FER1L6: variants seen among roughly 807,000 people sequenced by gnomAD.
The protein encoded by FER1L6 is fer-1 like family member 6.
Under a neutral mutation model 219.2 loss-of-function variants are expected in FER1L6, and 177 were observed. The observed-to-expected ratio is 0.81, with a 90% confidence interval of 0.71 to 0.91. The LOEUF (loss-of-function observed/expected upper bound fraction) is 0.91. FER1L6 is among the 40% of genes least tolerant of loss of function. The pLI is 0.00. For missense variants in FER1L6, 2,153 were observed against 2,259.9 expected (o/e 0.95, Z 0.96); for synonymous variants, 768 against 824.3 (o/e 0.93, Z 1.17).
At chr8:123,981,294 G>T (rs1242982688) in intron 11 of FER1L6, among the ~76,000 whole-genome samples, 1 of 152,096 alleles carries the variant, frequency 6.6e-6, no homozygotes, top group Non-Finnish European at 1.5e-5. Context: ...CAACTCTAGG[G>T]TATGCTTATT....
chr8:123,915,422 T>C (rs528034844), intron 1 of FER1L6, among the ~76,000 whole-genome samples: 109 of 152,282 alleles, frequency 7.2e-4, no homozygotes, highest in African/African-American at 2.6e-3. Context: ...TGGTCTCTTT[T>C]CATCTGCAAA....
chr8:124,113,771 T>C lies in FER1L6; in HGVS notation c.5290-5073T>C, dbSNP rs75704751. 5.5e-3 allele frequency among the ~76,000 whole-genome samples: 834 copies of C among 152,350 alleles called. 7 individuals are homozygous for C. Among genetic ancestry groups the C allele is most frequent in the African/African-American group, 0.019 (807 of 41,578 alleles). On this transcript the variant is annotated intron_variant, in intron 39 of 40. Coordinates refer to ENST00000522917, the MANE Select transcript of FER1L6 (RefSeq NM_001039112.2). ...TTATCTTATTCTCTATCCTCTGTAT[T>C]TCCCGTGAAGTGTAAGTTAGATACA... is the stretch of plus-strand genomic sequence containing the variant.
chr8:123,931,150 C>T (rs1414744848), intron 1 of FER1L6, among the ~76,000 whole-genome samples: 1 of 152,158 alleles, frequency 6.6e-6, no homozygotes, highest in East Asian at 1.9e-4. Flanking sequence ...TCCGCAGTAT[C>T]TCTTATTGTA....
chr8:123,949,998 CTA>C (rs1212722050), intron 1 of FER1L6, among the ~76,000 whole-genome samples: 4 of 152,134 alleles, frequency 2.6e-5, no homozygotes, highest in African/African-American at 7.2e-5. Flanking sequence ...GGTCTGTAGT[CTA>C]TGTTTGGCTT....
At chr8:123,909,939 T>C (rs1365812375) in intron 1 of FER1L6, among the ~76,000 whole-genome samples, 2 of 152,184 alleles carry the variant, frequency 1.3e-5, no homozygotes, top group African/African-American at 2.4e-5. Flanking sequence ...TTTGCAAACA[T>C]ATGGAGTCAT....
Position 123,919,307 on chromosome 8 carries a change from C to T in FER1L6, c.-7-36685C>T, listed in dbSNP as rs79262515. Among the ~76,000 whole-genome samples, 590 of 152,318 alleles carry T rather than the reference C, an allele frequency of 3.9e-3. 21 individuals are homozygous for T. The East Asian group carries it at 0.074, about 19-fold the overall frequency. On this transcript the variant is annotated intron_variant, in intron 1 of 40. Transcript: ENST00000522917. ...CTCATGCCTTAGGTTTGCTTATTTC[C>T]TTAACTGGTCCAGGCTGGGCTTCCT...
chr8:124,032,194 G>A (rs1307608670), intron 18 of FER1L6, among the ~76,000 whole-genome samples: 1 of 152,206 alleles, frequency 6.6e-6, no homozygotes, highest in Admixed American at 6.5e-5. Context: ...GGAGGCCGAG[G>A]CGGGTGGATC....
At chr8:124,031,317 GA>G (rs1490965895) in intron 18 of FER1L6, among the ~76,000 whole-genome samples, 2 of 152,158 alleles carry the variant, frequency 1.3e-5, no homozygotes, top group Non-Finnish European at 2.9e-5. Context: ...AAAATAGGGG[GA>G]AATCATCCAT....
intron 1 of FER1L6, among the ~76,000 whole-genome samples, chr8:123,933,876 T>C (rs1278888043): frequency 3.3e-5 from 5 of 152,218 alleles, no homozygotes; most frequent in African/African-American, 1.2e-4. Flanking sequence ...TGCAGAAGCA[T>C]TTCAAGATAG....
At chr8:124,082,669 T>C (rs1248908487) in intron 33 of FER1L6, among the ~76,000 whole-genome samples, 1 of 152,158 alleles carries the variant, frequency 6.6e-6, no homozygotes, top group African/African-American at 2.4e-5. Context: ...GCAGCTCTGA[T>C]TGAGAACCAA....
chr8:124,094,083 GC>G (rs1822170780), intron 34 of FER1L6, among the ~76,000 whole-genome samples: 1 of 152,116 alleles, frequency 6.6e-6, no homozygotes, highest in Non-Finnish European at 1.5e-5. Context: ...GCAGATGAGA[GC>G]ACATTTCCTG....
intron 1 of FER1L6, among the ~76,000 whole-genome samples, chr8:123,955,211 G>A (rs2130120088): frequency 6.6e-6 from 1 of 152,298 alleles, no homozygotes; most frequent in Non-Finnish European, 1.5e-5. Flanking sequence ...GGAGGTGGCA[G>A]TGAGCTGAGA....
intron 1 of FER1L6, among the ~76,000 whole-genome samples, chr8:123,948,408 T>G (rs937681768): frequency 1.3e-5 from 2 of 152,190 alleles, no homozygotes; most frequent in African/African-American, 4.8e-5. Flanking sequence ...GCAAAGGAAA[T>G]GTAGTAAATA....
intron 15 of FER1L6, among the ~76,000 whole-genome samples, chr8:124,015,111 C>T (rs1427479468): frequency 6.6e-6 from 1 of 152,130 alleles, no homozygotes; most frequent in African/African-American, 2.4e-5. Context: ...TTCATTAGAG[C>T]CAGCAAGCAC....
chr8:124,026,398 T>C (rs1001780990), intron 18 of FER1L6, among the ~76,000 whole-genome samples: 7 of 152,092 alleles, frequency 4.6e-5, no homozygotes, highest in African/African-American at 1.4e-4. Flanking sequence ...AATCATGCCA[T>C]AGAGGAACAG....
intron 28 of FER1L6, among the ~76,000 whole-genome samples, chr8:124,069,041 A>G (rs1039634845): frequency 6.7e-6 from 1 of 150,140 alleles, no homozygotes. Flanking sequence ...GGTTCACACT[A>G]TTCTCCTGCC....
At chr8:123,890,345 T>TG (rs1190343413) in intron 1 of FER1L6, among the ~76,000 whole-genome samples, 1 of 152,116 alleles carries the variant, frequency 6.6e-6, no homozygotes, top group Non-Finnish European at 1.5e-5. Context: ...CCTCAAAAGT[T>TG]GACTGAGTAG....
intron 10 of FER1L6, among the ~76,000 whole-genome samples, chr8:123,979,335 T>C (rs1055538396): frequency 6.6e-6 from 1 of 152,208 alleles, no homozygotes; most frequent in African/African-American, 2.4e-5. Context: ...TTACCTGACC[T>C]CTGCCTGGCT....
intron 32 of FER1L6, among the ~76,000 whole-genome samples, chr8:124,079,714 AG>A (rs1167054440): frequency 1.3e-5 from 2 of 152,226 alleles, no homozygotes; most frequent in Admixed American, 1.3e-4. Flanking sequence ...AAGAAAAATC[AG>A]GCAGATATAA....
Sources: gnomAD v4.1 joint callset for allele counts (sites outside exome capture counted in the v4.1 genomes callset) on GRCh38, gnomAD v4.1.1 for gene constraint, MANE v1.5 for transcripts, NCBI Gene and HGNC (gene_info 2026-07-23, HGNC 2026-07-21) for gene names.